Variants in PTCHD4 observed in about 807,000 individuals in gnomAD.
PTCHD4 encodes the protein patched domain containing 4.
Under a neutral mutation model 58.1 loss-of-function variants are expected in PTCHD4, and 33 were observed. The observed-to-expected ratio is 0.57, with a 90% CI of 0.43 to 0.76. The LOEUF (loss-of-function observed/expected upper bound fraction) is 0.76, where lower values mean the gene tolerates loss of function less well. PTCHD4 is among the 30% of genes least tolerant of loss of function. PTCHD4 has a pLI of 0.00. For synonymous variants in PTCHD4, 478 were observed against 409.6 expected (o/e 1.17, Z -2.02); for missense variants, 1,058 against 1,027.1 (o/e 1.03, Z -0.41).
intron 3 of PTCHD4, among the ~76,000 whole-genome samples, chr6:48,055,791 T>G (rs1764386881): frequency 6.6e-6 from 1 of 152,234 alleles, no homozygotes; most frequent in Non-Finnish European, 1.5e-5. Context: ...GGGCACTTAC[T>G]GGCGCCCTAC....
chr6:47,916,799 TAA>T (rs1258994078), intron 4 of PTCHD4, among the ~76,000 whole-genome samples: 3 of 152,134 alleles, frequency 2.0e-5, no homozygotes, highest in Non-Finnish European at 4.4e-5. Flanking sequence ...TTGTAATAAC[TAA>T]AAAGTTTTTC....
chr6:47,926,761 A>G (rs1302213690), intron 4 of PTCHD4, among the ~76,000 whole-genome samples: 5 of 152,192 alleles, frequency 3.3e-5, no homozygotes, highest in African/African-American at 1.2e-4. Flanking sequence ...AAATAGCCTC[A>G]GTTTTCTGAT....
At chr6:48,075,007 A>C (rs1282932810) in intron 1 of PTCHD4, among the ~76,000 whole-genome samples, 1 of 152,122 alleles carries the variant, frequency 6.6e-6, no homozygotes, top group Non-Finnish European at 1.5e-5. Flanking sequence ...AATAGAATAT[A>C]AGCATATATA....
chr6:47,933,766 T>C (rs1765907865), intron 4 of PTCHD4, among the ~76,000 whole-genome samples: 1 of 152,216 alleles, frequency 6.6e-6, no homozygotes, highest in South Asian at 2.1e-4. Context: ...AAATGCTTTA[T>C]CTATAATTAC....
At chr6:48,066,289 CTGT>C in intron 3 of PTCHD4, among the ~76,000 whole-genome samples, 1 of 152,080 alleles carries the variant, frequency 6.6e-6, no homozygotes, top group Non-Finnish European at 1.5e-5. Context: ...GGATTTTATA[CTGT>C]AAATAGCATA....
At position 48,010,978 on chromosome 6, in the gene PTCHD4, T is replaced by C. The variant is rs904932230; in HGVS notation, c.418-1864A>G. ...CACATTTTCTTTATCCAACCTATTA[T>C]GGATAGGCATTTAGGTTGGTTCCAA... On this transcript the variant is annotated intron_variant, in intron 3 of 4. Transcript: ENST00000339488. Among the ~76,000 whole-genome samples the C allele has an allele frequency of 3.3e-5, 5 of 152,360 alleles. No homozygotes were observed. In the Middle Eastern group the frequency reaches 0.014, roughly 415 times the overall value.
At chr6:48,106,906 C>A (rs1765740019) in intron 1 of PTCHD4, among the ~76,000 whole-genome samples, 1 of 152,084 alleles carries the variant, frequency 6.6e-6, no homozygotes, top group African/African-American at 2.4e-5. Context: ...GCATGAAGGA[C>A]CTCTTCAAGG....
At chr6:47,953,050 G>GA (rs113001405) in intron 4 of PTCHD4, among the ~76,000 whole-genome samples, 22,856 of 138,552 alleles carry the variant, frequency 0.16, 2,423 homozygotes, top group African/African-American at 0.33. Flanking sequence ...AACTACTGTA[G>GA]AAAAACATAT....
chr6:48,060,633 C>T (rs1267941275), intron 3 of PTCHD4, among the ~76,000 whole-genome samples: 1 of 152,142 alleles, frequency 6.6e-6, no homozygotes, highest in Non-Finnish European at 1.5e-5. Context: ...ACCACCACAC[C>T]TGGCTAATTT....
intron 4 of PTCHD4, among the ~76,000 whole-genome samples, chr6:47,920,013 T>C (rs1329506827): frequency 6.6e-6 from 1 of 152,094 alleles, no homozygotes; most frequent in Non-Finnish European, 1.5e-5. Context: ...GTGGTGTCAC[T>C]GCTTGAAGGA....
Position 48,068,912 on chromosome 6 carries a change from G to C in PTCHD4, c.5+41C>G, listed in dbSNP as rs1020961425. Among the ~76,000 whole-genome samples the C allele has an allele frequency of 8.6e-5, 13 of 151,190 alleles. No individual in the cohort carries two copies. The highest frequency in any genetic ancestry group is 6.6e-4 in the Admixed American group (10 of 15,204). On this transcript the variant is annotated intron_variant, in intron 2 of 4. Transcript: ENST00000339488. The surrounding 1 kb of genome is among the most constrained non-coding windows in gnomAD (Gnocchi z 4.2). Reference sequence around the variant, plus strand: ...GCGCCGCGGGGCCCACCCCCTCCCCGGTCTCCCCGCGCCCTCGCCGCCTCC... The same window carrying C: ...GCGCCGCGGGGCCCACCCCCTCCCCCGTCTCCCCGCGCCCTCGCCGCCTCC...
intron 3 of PTCHD4, among the ~76,000 whole-genome samples, chr6:48,033,418 C>T (rs1763519672): frequency 6.6e-6 from 1 of 151,506 alleles, no homozygotes; most frequent in South Asian, 2.1e-4. Context: ...ACCATGTGAG[C>T]ATCTGCCTCC....
intron 4 of PTCHD4, chr6:47,901,902 T>C (rs1309284303): frequency 3.8e-6 from 5 of 1,303,836 alleles, no homozygotes; most frequent in Non-Finnish European, 1.0e-6. Context: ...AAACTAAATT[T>C]GTTTCTAGCT....
chr6:47,937,005 C>G (rs543289936), intron 4 of PTCHD4, among the ~76,000 whole-genome samples: 188 of 152,222 alleles, frequency 1.2e-3, no homozygotes, highest in African/African-American at 4.4e-3. Context: ...CTGCTGTGTT[C>G]CAAAAATAGC....
At chr6:48,097,608 A>C (rs957349567) in intron 1 of PTCHD4, among the ~76,000 whole-genome samples, 1 of 152,318 alleles carries the variant, frequency 6.6e-6, no homozygotes, top group Admixed American at 6.5e-5. Context: ...GAATTATTTA[A>C]ATCAGCAAGG....
In PTCHD4 at chr6:47,948,109, C is replaced by G. The variant is rs139125794; in HGVS notation, c.898+60525G>C. Among the ~76,000 whole-genome samples the G allele has an allele frequency of 1.1e-4, 16 of 152,282 alleles. No homozygotes were observed. In the East Asian group the frequency reaches 2.9e-3, roughly 28 times the overall value. The stretch of plus-strand genomic sequence containing the variant: ...CAGAGCTGGAGCTGTGGTCTTAGCT[C>G]AAGGTTGAGCTAGGGAAGGGTCCAT... On this transcript the variant is annotated intron_variant, in intron 4 of 4. Transcript: ENST00000339488.
At chr6:47,997,553 G>A (rs991119069) in intron 4 of PTCHD4, among the ~76,000 whole-genome samples, 1 of 152,074 alleles carries the variant, frequency 6.6e-6, no homozygotes, top group Non-Finnish European at 1.5e-5. Context: ...GTCAACGAGG[G>A]GAAGCAGCAA....
chr6:47,939,412 G>A (rs921628337), intron 4 of PTCHD4, among the ~76,000 whole-genome samples: 1 of 152,024 alleles, frequency 6.6e-6, no homozygotes, highest in African/African-American at 2.4e-5. Flanking sequence ...GGAATAATAC[G>A]GGAGAGAGGG....
intron 1 of PTCHD4, among the ~76,000 whole-genome samples, 139 bp downstream of exon 1, chr6:48,110,910 G>A (rs1442807377): frequency 6.6e-6 from 1 of 151,222 alleles, no homozygotes; most frequent in Non-Finnish European, 1.5e-5. Flanking sequence ...AATATTCACT[G>A]AGTTAAAATT....
Sources: allele counts gnomAD v4.1 joint callset (sites outside exome capture counted in the v4.1 genomes callset), GRCh38; gene constraint gnomAD v4.1.1; non-coding constraint Gnocchi (gnomAD v3.1); transcripts MANE v1.5; gene names NCBI Gene and HGNC (gene_info 2026-07-23, HGNC 2026-07-21).